KIAA1549: variants seen among roughly 807,000 people sequenced by gnomAD.
KIAA1549 encodes KIAA1549, also known as UPF0606 protein KIAA1549.
Under a neutral mutation model 156.4 loss-of-function variants are expected in KIAA1549, and 70 were observed. The observed-to-expected ratio is 0.45, with a 90% CI of 0.37 to 0.55. KIAA1549 has a LOEUF of 0.55. Among genes scored for constraint, KIAA1549 ranks in the 20% least tolerant of loss-of-function variants. The pLI, the probability that KIAA1549 is intolerant of heterozygous loss-of-function variation, is 0.00. For synonymous variants in KIAA1549, 1,103 were observed against 1,066.4 expected, an observed-to-expected ratio of 1.03 and a Z score of -0.67; for missense variants, 2,428 against 2,540.9, an observed-to-expected ratio of 0.96 and a Z score of 0.96.
chr7:138,914,501 C>T (rs1001715592), intron 2 of KIAA1549, among the ~76,000 whole-genome samples: 4 of 152,152 alleles, frequency 2.6e-5, no homozygotes, highest in Non-Finnish European at 4.4e-5. Context: ...AGAGTGGCTC[C>T]GCTTCATCAT....
chr7:138,856,254 G>A (rs902992091), intron 16 of KIAA1549, among the ~76,000 whole-genome samples: 1 of 150,978 alleles, frequency 6.6e-6, no homozygotes, highest in African/African-American at 2.4e-5. Context: ...TAGCCAGGAT[G>A]GTCTCGATCT....
At position 138,899,130 on chromosome 7, in the gene KIAA1549, C is replaced by T; in HGVS notation, c.3672G>A (p.Val1224=). 1.2e-6 allele frequency: 2 copies of T among 1,613,516 alleles called. No homozygotes were observed. The highest frequency in any genetic ancestry group is 1.7e-6 in the Non-Finnish European group (2 of 1,179,542). The change falls in exon 9 of 20, where the codon GTG becomes GTA. Residue 1224 remains valine (V), a splice_region_variant and synonymous_variant. Coordinates refer to ENST00000422774, the MANE Select transcript of KIAA1549 (RefSeq NM_001164665.2). ...CTCCCTCCAGCCTCGACACATTTAC[C>T]ACCTGAAAGATAGCAGAAACCATTC... ...TVAAGNSVVQ[V]VNVSRLEGDD...
intron 7 of KIAA1549, 86 bp from the exon 8 acceptor site, chr7:138,903,822 TGTGTGTGTGTGTGTGTGTG>T: frequency 3.2e-6 from 1 of 317,298 alleles, no homozygotes; most frequent in African/African-American, 6.8e-5. Flanking sequence ...TGTGTGTGTG[TGTGTGTGTGTGTGTGTGTG>T]TGTGTGTGTG....
intron 1 of KIAA1549, among the ~76,000 whole-genome samples, chr7:138,942,599 G>T (rs530575834): frequency 6.6e-6 from 1 of 152,000 alleles, no homozygotes; most frequent in African/African-American, 2.4e-5. Flanking sequence ...GGTGATACAT[G>T]CGCTCCCTTA....
chr7:138,927,214 A>G (rs62487042), intron 1 of KIAA1549, among the ~76,000 whole-genome samples: 6,927 of 152,284 alleles, frequency 0.045, 206 homozygotes, highest in Non-Finnish European at 0.07. Context: ...TCTACAGTGG[A>G]TGGAGATTTG....
chr7:138,911,922 G>C (rs757867530), intron 3 of KIAA1549, among the ~76,000 whole-genome samples: 1 of 152,232 alleles, frequency 6.6e-6, no homozygotes, highest in Admixed American at 6.5e-5. Flanking sequence ...CTCTGCTCTA[G>C]ATGGACTGTG....
Position 138,894,530 on chromosome 7 carries a change from C to A in KIAA1549, c.3848-4G>T, listed in dbSNP as rs753104096. Reference sequence around the variant, plus strand: ...GGCCTCTTCACCCTGTCGACAGCTGCAGACAAGGAAGAAAGGTCTTTCAAT... The same window carrying A: ...GGCCTCTTCACCCTGTCGACAGCTGAAGACAAGGAAGAAAGGTCTTTCAAT... On this transcript the variant is annotated splice_region_variant and splice_polypyrimidine_tract_variant and intron_variant, in intron 9 of 19. Coordinates refer to ENST00000422774, the MANE Select transcript of KIAA1549 (RefSeq NM_001164665.2). 1.9e-6 allele frequency: 3 copies of A among 1,613,848 alleles called. No individual in the cohort carries two copies. The highest frequency in any genetic ancestry group is 2.5e-6 in the Non-Finnish European group (3 of 1,179,748).
chr7:138,898,932 A>G (rs376264114), intron 9 of KIAA1549, 23 bp downstream of exon 9: 1 of 1,612,544 alleles, frequency 6.2e-7, no homozygotes. Context: ...CACAGCACAG[A>G]CGACAACACC....
intron 17 of KIAA1549, among the ~76,000 whole-genome samples, chr7:138,846,214 G>T (rs1418041375): frequency 6.6e-6 from 1 of 152,110 alleles, no homozygotes; most frequent in Non-Finnish European, 1.5e-5. Context: ...ATACAATTTG[G>T]TGGCACTGCC....
At chr7:138,930,724 T>A (rs964858380) in intron 1 of KIAA1549, among the ~76,000 whole-genome samples, 1 of 152,250 alleles carries the variant, frequency 6.6e-6, no homozygotes, top group South Asian at 2.1e-4. Context: ...TGATTTAATC[T>A]ATCCAGACCA....
chr7:138,952,114 G>A (rs1813518875), intron 1 of KIAA1549, among the ~76,000 whole-genome samples: 1 of 152,168 alleles, frequency 6.6e-6, no homozygotes, highest in South Asian at 2.1e-4. Flanking sequence ...GCAGGTCAGA[G>A]CCCCCGGCAC....
intron 1 of KIAA1549, among the ~76,000 whole-genome samples, chr7:138,936,689 G>A (rs1194631982): frequency 6.6e-6 from 1 of 152,026 alleles, no homozygotes; most frequent in African/African-American, 2.4e-5. Context: ...TTCCCACCTT[G>A]TCCAAACAGT....
chr7:138,964,018 T>A (rs867503421), intron 1 of KIAA1549, among the ~76,000 whole-genome samples: 69 of 152,386 alleles, frequency 4.5e-4, no homozygotes, highest in Middle Eastern at 6.8e-3. Flanking sequence ...TGAGTTTTTT[T>A]ATTGTTAAAA....
At chr7:138,945,825 C>T (rs1001516695) in intron 1 of KIAA1549, among the ~76,000 whole-genome samples, 18 of 152,154 alleles carry the variant, frequency 1.2e-4, no homozygotes, top group African/African-American at 4.3e-4. Context: ...AGTTTGGAGG[C>T]TGAGACAGGA....
At chr7:138,908,492 G>A (rs77415028) in intron 5 of KIAA1549, among the ~76,000 whole-genome samples, 3,301 of 151,822 alleles carry the variant, frequency 0.022, 133 homozygotes, top group African/African-American at 0.075. Flanking sequence ...GAAAATATGA[G>A]GAAAAAATAA....
In KIAA1549 at chr7:138,832,644, T is replaced by C; in HGVS notation, c.*5262A>G. 1 of 214,776 alleles carries C rather than the reference T, an allele frequency of 4.7e-6. No homozygotes were observed. Among genetic ancestry groups the C allele is most frequent in the East Asian group, 7.0e-5 (1 of 14,366 alleles). The allele number at this position is 214,776 out of a possible 1,614,324, so 13.3% of individuals were successfully genotyped here. On this transcript the variant is annotated 3_prime_UTR_variant, in exon 20 of 20. Coordinates refer to ENST00000422774, the MANE Select transcript of KIAA1549 (RefSeq NM_001164665.2). The stretch of plus-strand genomic sequence containing the variant: ...GACATTCATTGCTTCTGTCACTTTC[T>C]TACTGGCTCCTAACTTTGTTTCATG...
intron 7 of KIAA1549, among the ~76,000 whole-genome samples, chr7:138,904,444 C>T (rs1479991397): frequency 6.6e-6 from 1 of 152,174 alleles, no homozygotes; most frequent in African/African-American, 2.4e-5. Flanking sequence ...GCAGGAACCC[C>T]GTGAATGGCA....
intron 1 of KIAA1549, among the ~76,000 whole-genome samples, chr7:138,921,011 G>A (rs192992944): frequency 6.6e-6 from 1 of 152,322 alleles, no homozygotes; most frequent in East Asian, 1.9e-4. Flanking sequence ...AACAGGAGCT[G>A]CTCAAGGGCA....
At chr7:138,904,971 A>AT in intron 7 of KIAA1549, 51 bp downstream of exon 7, 2 of 1,162,174 alleles carry the variant, frequency 1.7e-6, no homozygotes, top group Middle Eastern at 1.9e-4. Context: ...ATACGCCTGC[A>AT]TAGACTTCTT....
Sources: gnomAD v4.1 joint callset for allele counts (sites outside exome capture counted in the v4.1 genomes callset) on GRCh38, gnomAD v4.1.1 for gene constraint, MANE v1.5 for transcripts, NCBI Gene and HGNC (gene_info 2026-07-23, HGNC 2026-07-21) for gene names.